Variants in ANTXRL observed in about 807,000 individuals in gnomAD.
ANTXRL encodes ANTXR like.
A neutral mutation model predicts 75.4 loss-of-function variants in ANTXRL; 63 were observed. The observed-to-expected ratio is 0.84, with a 90% CI of 0.68 to 1.03. The LOEUF is 1.03. Ranked by LOEUF, ANTXRL falls within the 50% of genes least tolerant of loss-of-function variation. The pLI is 0.00. For missense variants in ANTXRL, 797 were observed against 789.4 expected (o/e 1.01, Z -0.12); for synonymous variants, 335 against 291.3 (o/e 1.15, Z -1.53).
At chr10:46,296,390 C>T in intron 5 of ANTXRL, 138 bp downstream of exon 5, 1 of 910,180 alleles carries the variant, frequency 1.1e-6, no homozygotes, top group Non-Finnish European at 1.7e-6. Flanking sequence ...GCTCTGAGCT[C>T]CAGGTCCCTC....
At chr10:46,308,767 C>A in intron 12 of ANTXRL, 1 of 370,964 alleles carries the variant, frequency 2.7e-6, no homozygotes, top group Non-Finnish European at 5.1e-6. Context: ...GTCTCCTGCC[C>A]CTGCTCCTGT....
chr10:46,310,399 G>A, intron 13 of ANTXRL, 62 bp from the exon 14 acceptor site: 9 of 1,484,900 alleles, frequency 6.1e-6, no homozygotes, highest in Non-Finnish European at 7.3e-6. Context: ...GCTGTGTGCA[G>A]GGCCAAGGCA....
intron 12 of ANTXRL, chr10:46,308,521 C>T (rs573439975): frequency 1.2e-4 from 52 of 441,846 alleles, no homozygotes; most frequent in Admixed American, 7.9e-4. Flanking sequence ...CCACGGATGC[C>T]GCCCAAGATT....
chr10:46,313,268 C>G lies in ANTXRL; in HGVS notation c.1362C>G (p.His454Gln). The G allele has an allele frequency of 6.5e-7, 1 of 1,535,884 alleles. No homozygotes were observed. The highest frequency in any genetic ancestry group is 1.4e-5 in the African/African-American group (1 of 73,124). Residue 454 changes from histidine to glutamine, a missense_variant, in exon 16 of 17, where the codon CAC (histidine) becomes CAG (glutamine). Transcript: ENST00000620264. Reference sequence around the variant, plus strand: ...TGGATACCTTTTGTGACCTCTCTCACGCAAGCTGCCACCAGGTGCCATGGA... The same window carrying G: ...TGGATACCTTTTGTGACCTCTCTCAGGCAAGCTGCCACCAGGTGCCATGGA... ...GNLDTFCDLSHASCHQVPWMC... is the reference protein window; with the variant it reads ...GNLDTFCDLSQASCHQVPWMC...
chr10:46,312,158 G>A (rs1364393577), intron 15 of ANTXRL, among the ~76,000 whole-genome samples: 3 of 150,606 alleles, frequency 2.0e-5, no homozygotes, highest in Non-Finnish European at 3.0e-5. Context: ...CTGCCAGCCC[G>A]GGCAGCAGAA....
At chr10:46,311,163 G>A (rs9665055) in intron 14 of ANTXRL, among the ~76,000 whole-genome samples, 27,499 of 151,870 alleles carry the variant, frequency 0.18, 2,130 homozygotes, top group Middle Eastern at 0.2. Flanking sequence ...CTGGCCAAGG[G>A]TGGCCTCTGC....
chr10:46,292,243 G>A (rs1837022871), intron 2 of ANTXRL, 114 bp downstream of exon 2: 18 of 955,058 alleles, frequency 1.9e-5, no homozygotes, highest in Middle Eastern at 5.5e-4. Context: ...TTCAGTGGGG[G>A]ACACAGAGCA....
intron 9 of ANTXRL, among the ~76,000 whole-genome samples, chr10:46,301,669 G>C (rs59804762): frequency 0.018 from 2,726 of 152,286 alleles, 71 homozygotes; most frequent in African/African-American, 0.061. Flanking sequence ...CTAGATATTT[G>C]TGGTTAATGT....
At chr10:46,303,011 AG>A (rs1438339489) in intron 10 of ANTXRL, among the ~76,000 whole-genome samples, 191 bp downstream of exon 10, 1 of 152,116 alleles carries the variant, frequency 6.6e-6, no homozygotes, top group Non-Finnish European at 1.5e-5. Flanking sequence ...CAAGTGGGGA[AG>A]TAACAAATCC....
chr10:46,320,654 C>A (rs1838936458), intron 16 of ANTXRL, among the ~76,000 whole-genome samples: 1 of 152,136 alleles, frequency 6.6e-6, no homozygotes, highest in Non-Finnish European at 1.5e-5. Flanking sequence ...ATTACTTGAA[C>A]CCAGGAGGCA....
chr10:46,327,984 C>T (rs776315898), intron 16 of ANTXRL, among the ~76,000 whole-genome samples: 2 of 152,164 alleles, frequency 1.3e-5, no homozygotes, highest in South Asian at 2.1e-4. Context: ...CCACTGGCAT[C>T]CTGGGATCCT....
At position 46,287,191 on chromosome 10, in the gene ANTXRL, C is replaced by A; in HGVS notation, c.-72C>A. The A allele has an allele frequency of 1.3e-6, 2 of 1,500,506 alleles. No homozygotes were observed. Among genetic ancestry groups the A allele is most frequent in the Non-Finnish European group, 1.8e-6 (2 of 1,131,536 alleles). The allele number at this position is 1,500,506 out of a possible 1,614,324, so 92.9% of individuals were successfully genotyped here. ...ATAAGGGGAGGCGGCAAAGAAGGGGCCTGTGCTCAGCCTCTCTGGGCCCTG... is the reference window on the plus strand; with the variant it reads ...ATAAGGGGAGGCGGCAAAGAAGGGGACTGTGCTCAGCCTCTCTGGGCCCTG... On this transcript the variant is annotated 5_prime_UTR_variant, in exon 1 of 17. Coordinates refer to ENST00000620264, the MANE Select transcript of ANTXRL (RefSeq NM_001278688.3).
intron 9 of ANTXRL, among the ~76,000 whole-genome samples, chr10:46,299,802 G>C (rs1837606052): frequency 6.6e-6 from 1 of 152,174 alleles, no homozygotes. Context: ...GCTGTGCAGG[G>C]ACTGGCACAG....
intron 16 of ANTXRL, among the ~76,000 whole-genome samples, chr10:46,317,779 C>G (rs1565049338): frequency 6.6e-6 from 1 of 152,128 alleles, no homozygotes; most frequent in Non-Finnish European, 1.5e-5. Flanking sequence ...AGCCAAAACT[C>G]CAAAGCACTG....
At chr10:46,313,664 T>C (rs1189950144) in intron 16 of ANTXRL, among the ~76,000 whole-genome samples, 8 of 152,144 alleles carry the variant, frequency 5.3e-5, no homozygotes, top group Admixed American at 3.9e-4. Flanking sequence ...TTGTAACTTA[T>C]TATGAATGAA....
chr10:46,309,013 C>A, intron 12 of ANTXRL, 100 bp from the exon 13 acceptor site: 1 of 1,495,106 alleles, frequency 6.7e-7, no homozygotes, highest in Non-Finnish European at 9.0e-7. Context: ...GGATGCGGGG[C>A]CAGCTAGGGA....
At chr10:46,303,046 C>G (rs1373038339) in intron 10 of ANTXRL, among the ~76,000 whole-genome samples, 2 of 152,150 alleles carry the variant, frequency 1.3e-5, no homozygotes, top group South Asian at 2.1e-4. Context: ...GAGCATCTTA[C>G]ATCAGGGCTT....
In ANTXRL at chr10:46,292,065, A is replaced by G; in HGVS notation, c.256A>G (p.Ser86Gly). 6.5e-7 allele frequency: 1 copy of G among 1,536,298 alleles called. No homozygotes were observed. Among genetic ancestry groups the G allele is most frequent in the African/African-American group, 1.4e-5 (1 of 73,130 alleles). The part of the protein sequence containing the change: ...DLYFILDKSG[S>G]VNNNWIDLYM... ...CATCTCCTTTTGTTTTAGGTCTGGC[A>G]GCGTGAACAATAACTGGATTGACCT... The change falls in exon 2 of 17, where the codon AGC becomes GGC. Residue 86 changes from serine (S) to glycine (G), a missense_variant. Physicochemically the swap from Ser to Gly is moderately conservative, Grantham distance 56. Around this residue, in one of 3 missense-constraint regions of ANTXRL, gnomAD observed 262 missense variants for 271.9 expected, o/e 0.96. Coordinates refer to ENST00000620264, the MANE Select transcript of ANTXRL (RefSeq NM_001278688.3).
chr10:46,306,383 T>C (rs551694138), intron 10 of ANTXRL, among the ~76,000 whole-genome samples: 1 of 152,292 alleles, frequency 6.6e-6, no homozygotes, highest in Admixed American at 6.5e-5. Flanking sequence ...GGCCTTGCAT[T>C]ATTTCATGTT....
Sources: gnomAD v4.1 joint callset for allele counts (sites outside exome capture counted in the v4.1 genomes callset) on GRCh38, gnomAD v4.1.1 for gene constraint, gnomAD v4.1.1 regional missense constraint, MANE v1.5 for transcripts, NCBI Gene and HGNC (gene_info 2026-07-23, HGNC 2026-07-21) for gene names.